The following LRMDA variants were observed in gnomAD, a reference collection of about 807,000 sequenced individuals.
LRMDA encodes the protein leucine rich melanocyte differentiation associated, also known as leucine-rich melanocyte differentiation-associated protein.
LRMDA carries 18 observed loss-of-function variants against 29.8 expected under a neutral mutation model. The observed-to-expected ratio is 0.60, with a 90% confidence interval of 0.42 to 0.90. The LOEUF (loss-of-function observed/expected upper bound fraction) is 0.90. Among genes scored for constraint, LRMDA ranks in the 40% least tolerant of loss-of-function variants. The pLI, the probability that LRMDA is intolerant of heterozygous loss-of-function variation, is 0.00. For synonymous variants in LRMDA, 125 were observed against 109.4 expected, an observed-to-expected ratio of 1.14 and a Z score of -0.89; for missense variants, 273 against 273.9, an observed-to-expected ratio of 1.00 and a Z score of 0.02.
Position 76,141,931 on chromosome 10 carries a change from G to T in LRMDA, c.516+83148G>T, listed in dbSNP as rs145137336. On this transcript the variant is annotated intron_variant, in intron 5 of 6. Coordinates refer to ENST00000611255, the MANE Select transcript of LRMDA (RefSeq NM_001305581.2). ...TTCTTTGTCTTTTCTAACTTCCACT[G>T]GATATCCTGTTTGAATCGTGGATGC... is the stretch of plus-strand genomic sequence containing the variant. 1.9e-3 allele frequency among the ~76,000 whole-genome samples: 286 copies of T among 152,166 alleles called. 1 individual carries two copies. Among genetic ancestry groups the T allele is most frequent in the African/African-American group, 6.6e-3 (274 of 41,534 alleles).
At chr10:76,088,591 C>G (rs1205194422) in intron 5 of LRMDA, among the ~76,000 whole-genome samples, 1 of 152,174 alleles carries the variant, frequency 6.6e-6, no homozygotes, top group Admixed American at 6.5e-5. Context: ...AAAGGGAAAT[C>G]TGTTGGGCAC....
intron 2 of LRMDA, among the ~76,000 whole-genome samples, chr10:75,487,158 C>A (rs777366420): frequency 1.4e-4 from 21 of 152,184 alleles, no homozygotes; most frequent in Non-Finnish European, 2.6e-4. Context: ...TTAAGCAGTT[C>A]TTTCTCGAGC....
chr10:76,159,398 A>G (rs1241983806), intron 5 of LRMDA, among the ~76,000 whole-genome samples: 1 of 152,212 alleles, frequency 6.6e-6, no homozygotes, highest in Non-Finnish European at 1.5e-5. Flanking sequence ...GCGGATGAGG[A>G]TGTAGAGCCT....
intron 2 of LRMDA, among the ~76,000 whole-genome samples, chr10:75,595,166 ACC>A (rs1184244853): frequency 6.6e-6 from 1 of 152,146 alleles, no homozygotes; most frequent in Non-Finnish European, 1.5e-5. Context: ...TGAAATTCCA[ACC>A]TGATTTTATT....
intron 2 of LRMDA, chr10:75,601,448 A>G (rs905756971): frequency 1.3e-5 from 2 of 152,220 alleles, no homozygotes; most frequent in African/African-American, 2.4e-5. Flanking sequence ...TGAGATACCA[A>G]TGGGAATAAT....
Position 75,883,066 on chromosome 10 carries a change from A to G in LRMDA, c.132-152942A>G, listed in dbSNP as rs573600659. On this transcript the variant is annotated intron_variant, in intron 2 of 6. Coordinates refer to ENST00000611255, the MANE Select transcript of LRMDA (RefSeq NM_001305581.2). The stretch of plus-strand genomic sequence containing the variant: ...ACCGAGGCCTCATGCACAATCCCCC[A>G]GGTCAGGAAACCTCCTCCTTCTCCT... 1.1e-4 allele frequency among the ~76,000 whole-genome samples: 16 copies of G among 152,268 alleles called. No individual in the cohort carries two copies. In the South Asian group the frequency reaches 3.3e-3, roughly 32 times the overall value.
intron 6 of LRMDA, among the ~76,000 whole-genome samples, chr10:76,427,589 C>T (rs1842142301): frequency 6.6e-6 from 1 of 152,132 alleles, no homozygotes; most frequent in African/African-American, 2.4e-5. Context: ...ATTGAATGCC[C>T]TTTATTTCCT....
Position 75,431,767 on chromosome 10 carries a change from C to A in LRMDA, c.30+13C>A. The A allele has an allele frequency of 3.7e-6, 5 of 1,362,928 alleles. No homozygotes were observed. Among genetic ancestry groups the A allele is most frequent in the Non-Finnish European group, 4.8e-6 (5 of 1,051,862 alleles). 84.4% of individuals were successfully genotyped at this position (1,362,928 alleles called of 1,614,324 possible). Reference sequence around the variant, plus strand: ...GCGTGGAACTCAAGTAAGTCCCGGCCAGCCCCGCCTCCGCCCGGGGCGCAG... The same window carrying A: ...GCGTGGAACTCAAGTAAGTCCCGGCAAGCCCCGCCTCCGCCCGGGGCGCAG... On this transcript the variant is annotated intron_variant, in intron 1 of 6. Coordinates refer to ENST00000611255, the MANE Select transcript of LRMDA (RefSeq NM_001305581.2).
At chr10:75,817,203 G>A (rs113540961) in intron 2 of LRMDA, among the ~76,000 whole-genome samples, 18 of 152,316 alleles carry the variant, frequency 1.2e-4, no homozygotes, top group Middle Eastern at 3.4e-3. Flanking sequence ...CTCCTGCTGC[G>A]GAGGGGCATG....
chr10:75,776,980 G>A (rs1261796801), intron 2 of LRMDA, among the ~76,000 whole-genome samples: 1 of 152,246 alleles, frequency 6.6e-6, no homozygotes, highest in East Asian at 1.9e-4. Context: ...CTTAAGGAGC[G>A]AGGAGGGGGC....
chr10:76,138,265 G>A (rs1850133735), intron 5 of LRMDA, among the ~76,000 whole-genome samples: 3 of 152,060 alleles, frequency 2.0e-5, no homozygotes, highest in Admixed American at 1.3e-4. Context: ...GTGGTTTTCC[G>A]GAGCTGACAG....
At chr10:75,777,086 A>G (rs1688584005) in intron 2 of LRMDA, among the ~76,000 whole-genome samples, 1 of 152,146 alleles carries the variant, frequency 6.6e-6, no homozygotes, top group African/African-American at 2.4e-5. Context: ...CTCTGTTTGT[A>G]AGGGAGCAGG....
chr10:75,712,390 G>T (rs1589166995), intron 2 of LRMDA, among the ~76,000 whole-genome samples: 1 of 146,848 alleles, frequency 6.8e-6, no homozygotes. Flanking sequence ...TGGGCCCTCC[G>T]TCAGCAGATC....
intron 6 of LRMDA, among the ~76,000 whole-genome samples, chr10:76,392,699 G>A (rs879375064): frequency 2.0e-5 from 3 of 151,882 alleles, no homozygotes; most frequent in Admixed American, 1.3e-4. Context: ...TAGTGAGAAT[G>A]CTCAAAATAT....
chr10:75,477,398 G>A (rs1013036218), intron 2 of LRMDA, among the ~76,000 whole-genome samples: 1 of 152,036 alleles, frequency 6.6e-6, no homozygotes, highest in African/African-American at 2.4e-5. Context: ...TTGGGGGATG[G>A]GTACAATTCA....
At chr10:76,248,192 C>T (rs898483046) in intron 5 of LRMDA, among the ~76,000 whole-genome samples, 1 of 152,124 alleles carries the variant, frequency 6.6e-6, no homozygotes, top group Non-Finnish European at 1.5e-5. Flanking sequence ...ACCCCCAGGG[C>T]AGGAGTATGC....
chr10:75,493,959 G>T (rs1030758983), intron 2 of LRMDA, among the ~76,000 whole-genome samples: 3 of 151,950 alleles, frequency 2.0e-5, no homozygotes, highest in African/African-American at 4.8e-5. Context: ...TCACTGTATT[G>T]CCCAGGCTGG....
At chr10:76,209,013 G>A (rs1316768543) in intron 5 of LRMDA, among the ~76,000 whole-genome samples, 1 of 152,038 alleles carries the variant, frequency 6.6e-6, no homozygotes, top group East Asian at 1.9e-4. Flanking sequence ...AATCAGCCAG[G>A]TGTGGTGGTG....
At chr10:76,510,155 C>T (rs1337607075) in intron 6 of LRMDA, among the ~76,000 whole-genome samples, 1 of 152,140 alleles carries the variant, frequency 6.6e-6, no homozygotes, top group African/African-American at 2.4e-5. Context: ...ACTGCAACCT[C>T]CGCCTCCCGG....
Sources: allele counts gnomAD v4.1 joint callset (sites outside exome capture counted in the v4.1 genomes callset), GRCh38; gene constraint gnomAD v4.1.1; transcripts MANE v1.5; gene names NCBI Gene and HGNC (gene_info 2026-07-23, HGNC 2026-07-21).